The following RPRD2 variants were observed in gnomAD, a reference collection of about 807,000 sequenced individuals.
RPRD2 encodes regulation of nuclear pre-mRNA domain-containing protein 2.
Under a neutral mutation model 104.4 loss-of-function variants are expected in RPRD2, and 12 were observed. The ratio of observed to expected loss-of-function variants is 0.11; its 90% confidence interval spans 0.07 to 0.19. The LOEUF (loss-of-function observed/expected upper bound fraction) is 0.19. RPRD2 is among the 10% of genes least tolerant of loss of function. RPRD2 has a pLI of 1.00. For missense variants in RPRD2, 1,543 were observed against 1,790.1 expected (o/e 0.86, Z 2.49); for synonymous variants, 714 against 684.9 (o/e 1.04, Z -0.66).
rs1175311777 is a variant in RPRD2 at position 150,471,400 on chromosome 1, C to A, written c.2452C>A (p.Gln818Lys). 1.2e-6 allele frequency: 2 copies of A among 1,613,886 alleles called. No homozygotes were observed. The highest frequency in any genetic ancestry group is 1.7e-6 in the Non-Finnish European group (2 of 1,179,868). ...ERPSSLMDSS[Q>K]EKFYPDTSFQ... The stretch of plus-strand genomic sequence containing the variant: ...ACCATCTTCCCTGATGGACTCTTCA[C>A]AGGAAAAGTTCTACCCAGATACTTC... The change falls in exon 11 of 11, where the codon CAG (glutamine) becomes AAG (lysine). Residue 818 changes from glutamine (Q) to lysine (K), a missense_variant. Gln to Lys is a moderately conservative substitution (Grantham distance 53). Around this residue, in one of 4 missense-constraint regions of RPRD2, gnomAD observed 880 missense variants for 885.6 expected, o/e 0.99. Transcript: ENST00000369068. The surrounding 1 kb of genome is among the most constrained non-coding windows in gnomAD (Gnocchi z 5.3).
intron 1 of RPRD2, among the ~76,000 whole-genome samples, chr1:150,401,372 C>A (rs1662987814): frequency 1.3e-5 from 2 of 151,818 alleles, no homozygotes; most frequent in African/African-American, 4.8e-5. Context: ...CCTGTAGTTA[C>A]AGCTACTCGG....
chr1:150,394,240 G>A (rs1226914232), intron 1 of RPRD2, among the ~76,000 whole-genome samples: 3 of 152,062 alleles, frequency 2.0e-5, no homozygotes, highest in Non-Finnish European at 4.4e-5. Context: ...GGTAGAGACA[G>A]GGTTTCTTCA....
intron 1 of RPRD2, among the ~76,000 whole-genome samples, chr1:150,378,837 G>A (rs782092996): frequency 1.3e-5 from 2 of 151,454 alleles, no homozygotes; most frequent in Non-Finnish European, 2.9e-5. Flanking sequence ...ACAAAACTTA[G>A]CCAGGCATGG....
chr1:150,426,631 AAAAC>A (rs1173451973), intron 2 of RPRD2, among the ~76,000 whole-genome samples: 1 of 152,224 alleles, frequency 6.6e-6, no homozygotes, highest in Non-Finnish European at 1.5e-5. Flanking sequence ...AATTAAATTT[AAAAC>A]AAATACACAG....
In RPRD2 at chr1:150,472,788, C is replaced by T; in HGVS notation, c.3840C>T (p.Ser1280=). Residue 1280 remains serine, a synonymous_variant, in exon 11 of 11, where the codon AGC becomes AGT. Transcript: ENST00000369068. ...CTCCTCCCCCTCCTGGGGAACATAGCAGCAGTGGTGGGAGTGGTGTCCCCT... is the reference window on the plus strand; with the variant it reads ...CTCCTCCCCCTCCTGGGGAACATAGTAGCAGTGGTGGGAGTGGTGTCCCCT... ...PPPPPPPGEH[S]SSGGSGVPFS... is the part of the protein sequence containing the mutation. 6.2e-7 allele frequency: 1 copy of T among 1,610,750 alleles called. No homozygotes were observed.
At chr1:150,437,264 A>G (rs1553893374) in intron 2 of RPRD2, among the ~76,000 whole-genome samples, 1 of 152,068 alleles carries the variant, frequency 6.6e-6, no homozygotes, top group Non-Finnish European at 1.5e-5. Context: ...TTTGGAGGCC[A>G]AGGCAGGCAG....
At chr1:150,441,389 TC>T in intron 3 of RPRD2, 1 of 217,032 alleles carries the variant, frequency 4.6e-6, no homozygotes, top group Non-Finnish European at 9.1e-6. Context: ...GGGTGTCAGT[TC>T]TTACTAAGCT....
chr1:150,437,929 G>T (rs1007780635), intron 2 of RPRD2, among the ~76,000 whole-genome samples: 25 of 144,594 alleles, frequency 1.7e-4, no homozygotes, highest in African/African-American at 6.1e-4. Flanking sequence ...AACAGACTCT[G>T]TTGTCACTTC....
intron 4 of RPRD2, 87 bp from the exon 5 acceptor site, chr1:150,443,144 A>G (rs1666517962): frequency 3.6e-6 from 3 of 833,250 alleles, no homozygotes; most frequent in Non-Finnish European, 2.0e-6. Context: ...TGTTCAGAGT[A>G]TATCTTTAAC....
chr1:150,452,326 G>C (rs983439620), intron 7 of RPRD2, among the ~76,000 whole-genome samples: 4 of 152,114 alleles, frequency 2.6e-5, no homozygotes, highest in African/African-American at 4.8e-5. Flanking sequence ...GTGTCAGAGA[G>C]AGCACAGCCT....
Position 150,440,606 on chromosome 1 carries a change from GT to G in RPRD2, c.336-316del, listed in dbSNP as rs1250995504. Reference sequence around the variant, plus strand: ...CTTCTCATTCAGTACTAGTGTAATTGTGTTTTAGAATGCCAGTTGTGTCTGC... The same window carrying G: ...CTTCTCATTCAGTACTAGTGTAATTGGTTTTAGAATGCCAGTTGTGTCTGC... On this transcript the variant is annotated intron_variant, in intron 2 of 10. Transcript: ENST00000369068. 9.2e-5 allele frequency among the ~76,000 whole-genome samples: 14 copies of G among 152,236 alleles called. No individual in the cohort carries two copies. The East Asian group carries it at 2.7e-3, about 29-fold the overall frequency.
At position 150,470,751 on chromosome 1, in the gene RPRD2, C is replaced by A. The variant is rs1387565401; in HGVS notation, c.1803C>A (p.Val601=). The change falls in exon 11 of 11, where the codon GTC becomes GTA. Residue 601 remains valine, a synonymous_variant. Coordinates refer to ENST00000369068, the MANE Select transcript of RPRD2 (RefSeq NM_015203.5). ...CTCCTAACTCATCAACTTCTGAAGT[C>A]TCTTCAACTTCAGCCAGCAAGGCCT... The part of the protein sequence containing the change: ...NYSPNSSTSE[V]SSTSASKASI... 6.2e-7 allele frequency: 1 copy of A among 1,614,018 alleles called. No homozygotes were observed. Among genetic ancestry groups the A allele is most frequent in the African/African-American group, 1.3e-5 (1 of 75,074 alleles).
intron 1 of RPRD2, among the ~76,000 whole-genome samples, chr1:150,386,630 T>C (rs1661588137): frequency 6.6e-6 from 1 of 152,166 alleles, no homozygotes. Flanking sequence ...ACATCACTAG[T>C]GGCACTTTGT....
At chr1:150,437,621 T>C (rs1553893446) in intron 2 of RPRD2, among the ~76,000 whole-genome samples, 1 of 152,130 alleles carries the variant, frequency 6.6e-6, no homozygotes, top group African/African-American at 2.4e-5. Flanking sequence ...ACTCTGTCAC[T>C]CAAGCTGGAG....
At chr1:150,445,797 G>C (rs976415169) in intron 6 of RPRD2, among the ~76,000 whole-genome samples, 2 of 152,096 alleles carry the variant, frequency 1.3e-5, no homozygotes, top group Non-Finnish European at 2.9e-5. Flanking sequence ...GGCCGGGCAC[G>C]GTGGCTCACA....
Position 150,364,844 on chromosome 1 carries a change from T to C in RPRD2, c.130T>C (p.Leu44=), listed in dbSNP as rs1659711104. 2 of 1,613,900 alleles carry C rather than the reference T, an allele frequency of 1.2e-6. No individual in the cohort carries two copies. The highest frequency in any genetic ancestry group is 1.7e-6 in the Non-Finnish European group (2 of 1,179,782). The change falls in exon 1 of 11, where the codon TTG becomes CTG. Residue 44 remains leucine, a synonymous_variant. Transcript: ENST00000369068. ...VTNTMESIQG[L]SSWCIENKKH... ...CAACACCATGGAGTCCATTCAAGGC[T>C]TGTCGTCTTGGTGTATAGAGAACAA...
intron 7 of RPRD2, among the ~76,000 whole-genome samples, chr1:150,447,990 G>A (rs1423611049): frequency 1.3e-5 from 2 of 151,982 alleles, no homozygotes; most frequent in Non-Finnish European, 2.9e-5. Context: ...CAGTTTTGTT[G>A]TGTAACTGTT....
intron 1 of RPRD2, among the ~76,000 whole-genome samples, chr1:150,369,665 T>G (rs1269782510): frequency 1.4e-5 from 2 of 138,708 alleles, no homozygotes; most frequent in Non-Finnish European, 3.1e-5. Flanking sequence ...GAGACGGGGT[T>G]TCACCGTGGT....
chr1:150,426,849 G>T (rs1665163466), intron 2 of RPRD2, among the ~76,000 whole-genome samples: 1 of 152,188 alleles, frequency 6.6e-6, no homozygotes, highest in Admixed American at 6.6e-5. Flanking sequence ...TTGTACACTT[G>T]AAAATGGTTA....
Sources: allele counts gnomAD v4.1 joint callset (sites outside exome capture counted in the v4.1 genomes callset), GRCh38; gene constraint gnomAD v4.1.1; regional missense constraint gnomAD v4.1.1; non-coding constraint Gnocchi (gnomAD v3.1); transcripts MANE v1.5; gene names NCBI Gene and HGNC (gene_info 2026-07-23, HGNC 2026-07-21).